NPAS3: variants seen among roughly 807,000 people sequenced by gnomAD.
NPAS3 encodes the protein neuronal PAS domain-containing protein 3.
A neutral mutation model predicts 73.1 loss-of-function variants in NPAS3; 14 were observed. The ratio of observed to expected loss-of-function variants is 0.19; its 90% confidence interval spans 0.13 to 0.30. The LOEUF is 0.30. Ranked by LOEUF, NPAS3 falls within the 10% of genes least tolerant of loss-of-function variation. The pLI, the probability that NPAS3 is intolerant of heterozygous loss-of-function variation, is 1.00. For synonymous variants in NPAS3, 620 were observed against 541.5 expected, an observed-to-expected ratio of 1.14 and a Z score of -2.01; for missense variants, 1,096 against 1,250.0, an observed-to-expected ratio of 0.88 and a Z score of 1.86.
intron 1 of NPAS3, among the ~76,000 whole-genome samples, chr14:32,960,809 G>A (rs1425941101): frequency 6.6e-6 from 1 of 152,152 alleles, no homozygotes; most frequent in Admixed American, 6.5e-5. Flanking sequence ...AGAAATAGTA[G>A]CAGATGAAAA....
At chr14:33,282,915 A>G (rs8008403) in intron 3 of NPAS3, among the ~76,000 whole-genome samples, 78,049 of 152,012 alleles carry the variant, frequency 0.51, 21,025 homozygotes, top group African/African-American at 0.69. Context: ...GCCTTGATTC[A>G]AAGACTACAG....
chr14:33,493,486 T>C (rs1318478623), intron 4 of NPAS3, among the ~76,000 whole-genome samples: 2 of 152,118 alleles, frequency 1.3e-5, no homozygotes, highest in African/African-American at 4.8e-5. Flanking sequence ...GAAAGGAACT[T>C]TCTCACCGAT....
chr14:33,077,279 A>C (rs930241738), intron 2 of NPAS3, among the ~76,000 whole-genome samples: 1 of 152,180 alleles, frequency 6.6e-6, no homozygotes, highest in Non-Finnish European at 1.5e-5. Context: ...GACAATGAGC[A>C]TAGTTGTGAA....
chr14:33,093,390 A>G (rs2042296826), intron 2 of NPAS3, among the ~76,000 whole-genome samples: 1 of 152,258 alleles, frequency 6.6e-6, no homozygotes, highest in Non-Finnish European at 1.5e-5. Flanking sequence ...ACTGGCCATC[A>G]GAGAAATGCA....
chr14:33,449,269 A>G (rs961669521), intron 4 of NPAS3, among the ~76,000 whole-genome samples: 3 of 152,210 alleles, frequency 2.0e-5, no homozygotes, highest in African/African-American at 4.8e-5. Flanking sequence ...ATCTGGGTAG[A>G]TGGAATAACC....
intron 4 of NPAS3, among the ~76,000 whole-genome samples, chr14:33,388,793 G>C (rs762118405): frequency 6.6e-6 from 1 of 152,150 alleles, no homozygotes; most frequent in Non-Finnish European, 1.5e-5. Flanking sequence ...CTAGCAATCT[G>C]TTCCCGATAC....
At chr14:33,642,833 T>C (rs1417909211) in intron 5 of NPAS3, among the ~76,000 whole-genome samples, 2 of 152,154 alleles carry the variant, frequency 1.3e-5, no homozygotes, top group Non-Finnish European at 2.9e-5. Flanking sequence ...CCGGGATGGA[T>C]GGAGAAAATG....
At chr14:33,791,983 G>A (rs1362693805) in intron 9 of NPAS3, among the ~76,000 whole-genome samples, 2 of 152,168 alleles carry the variant, frequency 1.3e-5, no homozygotes, top group Non-Finnish European at 2.9e-5. Flanking sequence ...AGTTTTCTCT[G>A]TGAAAATAGT....
At chr14:33,312,463 C>A (rs1007807648) in intron 3 of NPAS3, among the ~76,000 whole-genome samples, 1 of 151,744 alleles carries the variant, frequency 6.6e-6, no homozygotes, top group African/African-American at 2.4e-5. Flanking sequence ...CTTGTAACAA[C>A]GGGAGTAATA....
intron 4 of NPAS3, among the ~76,000 whole-genome samples, chr14:33,407,257 T>C (rs2047708232): frequency 6.6e-6 from 1 of 152,164 alleles, no homozygotes; most frequent in Non-Finnish European, 1.5e-5. Context: ...ACTCAGTGAA[T>C]GTTGTTCTTG....
rs140276411 is a variant in NPAS3, at chr14:32,959,631, A to G, written c.50+20265A>G. ...CATAGACAGAGACTTAATTACGACTATGATGTAAAGGAGTGAGCACTTTCA... is the reference window on the plus strand; with the variant it reads ...CATAGACAGAGACTTAATTACGACTGTGATGTAAAGGAGTGAGCACTTTCA... On this transcript the variant is annotated intron_variant, in intron 1 of 11. Coordinates refer to ENST00000356141, the Ensembl canonical transcript of NPAS3. Among the ~76,000 whole-genome samples the G allele has an allele frequency of 3.7e-4, 57 of 152,330 alleles. 1 individual carries two copies. Among genetic ancestry groups the G allele is most frequent in the African/African-American group, 1.3e-3 (54 of 41,574 alleles).
intron 1 of NPAS3, among the ~76,000 whole-genome samples, chr14:33,050,854 C>G (rs564407691): frequency 6.6e-6 from 1 of 152,338 alleles, no homozygotes; most frequent in South Asian, 2.1e-4. Context: ...AGCTAATGTA[C>G]TGTGTTCTAA....
chr14:32,950,439 C>T (rs1297808998), intron 1 of NPAS3, among the ~76,000 whole-genome samples: 1 of 152,042 alleles, frequency 6.6e-6, no homozygotes, highest in Non-Finnish European at 1.5e-5. Context: ...ACTGCTCTTG[C>T]ATGTGGTTTC....
intron 5 of NPAS3, among the ~76,000 whole-genome samples, chr14:33,665,566 A>G (rs10149805): frequency 0.47 from 71,517 of 151,952 alleles, 17,275 homozygotes; most frequent in Non-Finnish European, 0.53. Flanking sequence ...TTGAAACCCC[A>G]TTCTCTGTGA....
chr14:33,074,794 A>G (rs1034240669), intron 2 of NPAS3, among the ~76,000 whole-genome samples: 2 of 152,216 alleles, frequency 1.3e-5, no homozygotes, highest in Non-Finnish European at 2.9e-5. Context: ...AGCAGAACCA[A>G]CTTCTGTGAT....
At chr14:33,439,504 A>G (rs17101135) in intron 4 of NPAS3, among the ~76,000 whole-genome samples, 4,176 of 152,336 alleles carry the variant, frequency 0.027, 192 homozygotes, top group African/African-American at 0.095. Context: ...CCGAGTTTCT[A>G]TTTGGAATTG....
intron 5 of NPAS3, among the ~76,000 whole-genome samples, chr14:33,583,633 C>T (rs553736487): frequency 2.2e-4 from 33 of 151,944 alleles, no homozygotes; most frequent in African/African-American, 7.5e-4. Context: ...CTTTTTCTTT[C>T]CAGTTTGTGT....
At chr14:33,074,573 T>G (rs972137237) in intron 2 of NPAS3, among the ~76,000 whole-genome samples, 8 of 152,098 alleles carry the variant, frequency 5.3e-5, no homozygotes, top group African/African-American at 1.9e-4. Context: ...CATGCCACCA[T>G]GCCCAGCTAA....
chr14:33,040,734 G>A (rs1415456976), intron 1 of NPAS3, among the ~76,000 whole-genome samples: 1 of 152,154 alleles, frequency 6.6e-6, no homozygotes. Flanking sequence ...TTATACCTAA[G>A]TCTTCTAACC....
Sources: allele counts gnomAD v4.1 joint callset (sites outside exome capture counted in the v4.1 genomes callset), GRCh38; gene constraint gnomAD v4.1.1; transcripts MANE v1.5; gene names NCBI Gene and HGNC (gene_info 2026-07-23, HGNC 2026-07-21).